RERE: variants seen among roughly 807,000 people sequenced by gnomAD.
RERE encodes arginine-glutamic acid dipeptide repeats protein.
In RERE, 40 loss-of-function variants were observed where a neutral mutation model predicts 146.1. That is an observed-to-expected ratio of 0.27 (90% CI 0.21 to 0.36). The LOEUF is 0.36. RERE is among the 10% of genes least tolerant of loss of function. RERE has a pLI of 1.00. For missense variants in RERE, 1,933 were observed against 2,138.7 expected (o/e 0.90, Z 1.90); for synonymous variants, 1,003 against 866.0 (o/e 1.16, Z -2.78).
intron 1 of RERE, among the ~76,000 whole-genome samples, chr1:8,659,181 G>A (rs1638398068): frequency 6.6e-6 from 1 of 152,216 alleles, no homozygotes; most frequent in African/African-American, 2.4e-5. Flanking sequence ...GGCTACTAGT[G>A]CTAGCAACTG....
intron 1 of RERE, among the ~76,000 whole-genome samples, chr1:8,764,146 C>T (rs2124535473): frequency 6.6e-6 from 1 of 152,258 alleles, no homozygotes; most frequent in East Asian, 1.9e-4. Flanking sequence ...TCATCACTGC[C>T]TCCTCCAGGT....
chr1:8,512,073 C>T (rs369351550), intron 7 of RERE, among the ~76,000 whole-genome samples: 5 of 119,526 alleles, frequency 4.2e-5, no homozygotes, highest in South Asian at 2.9e-4. Context: ...GTCGCCCAGG[C>T]CGGACTGCAG....
At chr1:8,386,087 T>A (rs1393494612) in intron 12 of RERE, among the ~76,000 whole-genome samples, 7 of 130,740 alleles carry the variant, frequency 5.4e-5, no homozygotes, top group Admixed American at 8.4e-5. Flanking sequence ...AAAGGAGCAG[T>A]AGTTTCTAAG....
At position 8,354,958 on chromosome 1, in the gene RERE, T is replaced by G. The variant is rs1395168700; in HGVS notation, c.*129A>C. 1.3e-6 allele frequency: 1 copy of G among 758,780 alleles called. No homozygotes were observed. Among genetic ancestry groups the G allele is most frequent in the Non-Finnish European group, 2.2e-6 (1 of 464,888 alleles). The allele number at this position is 758,780 out of a possible 1,614,324, so 47.0% of individuals were successfully genotyped here. A position where few individuals can be genotyped will look rare whatever the true frequency, so the allele number is the denominator to read the frequency against. ...ATGTGGATACATTTTTAGTTGTGGG[T>G]TTTTAAATATATAAAGAAATCTTTA... On this transcript the variant is annotated 3_prime_UTR_variant, in exon 23 of 23. Transcript: ENST00000400908.
intron 1 of RERE, among the ~76,000 whole-genome samples, chr1:8,744,607 C>G (rs959952217): frequency 2.0e-5 from 3 of 152,172 alleles, no homozygotes; most frequent in Admixed American, 6.5e-5. Flanking sequence ...AAAGACAGAA[C>G]TGATCTAAAT....
At chr1:8,365,537 C>A (rs1054907198) in intron 13 of RERE, among the ~76,000 whole-genome samples, 7 of 152,184 alleles carry the variant, frequency 4.6e-5, no homozygotes, top group Non-Finnish European at 1.5e-5. Context: ...CAGGCCAAGA[C>A]GTGTATTTTT....
rs149668857 is a variant in RERE, at chr1:8,656,906, G to C, written c.-144-465C>G. ...AGCCAGAAGGACCACTTGAAGCCAGGAGTTCAAGACCAACCCTGGCAACAA... is the reference window on the plus strand; with the variant it reads ...AGCCAGAAGGACCACTTGAAGCCAGCAGTTCAAGACCAACCCTGGCAACAA... On this transcript the variant is annotated intron_variant, in intron 1 of 22. Coordinates refer to ENST00000400908, the MANE Select transcript of RERE (RefSeq NM_001042681.2). Among the ~76,000 whole-genome samples, 20 of 152,122 alleles carry C rather than the reference G, an allele frequency of 1.3e-4. 1 individual carries two copies. Among genetic ancestry groups the C allele is most frequent in the South Asian group, 4.1e-4 (2 of 4,832 alleles).
intron 1 of RERE, among the ~76,000 whole-genome samples, chr1:8,807,737 T>C (rs1486091647): frequency 6.6e-6 from 1 of 152,180 alleles, no homozygotes; most frequent in African/African-American, 2.4e-5. Context: ...GTTCTTGTTC[T>C]TGGTCATTTC....
At chr1:8,665,769 CAT>C (rs1279796235) in intron 1 of RERE, among the ~76,000 whole-genome samples, 5 of 152,164 alleles carry the variant, frequency 3.3e-5, no homozygotes, top group Non-Finnish European at 7.4e-5. Flanking sequence ...GCACTTTACA[CAT>C]GTTAACTCAT....
chr1:8,382,804 G>A (rs1335778587), intron 12 of RERE, among the ~76,000 whole-genome samples: 1 of 152,052 alleles, frequency 6.6e-6, no homozygotes, highest in African/African-American at 2.4e-5. Flanking sequence ...GAACCTCCTC[G>A]AGACTCTCCT....
Position 8,558,215 on chromosome 1 carries a change from T to C in RERE, c.523-692A>G, listed in dbSNP as rs567187433. 3.3e-5 allele frequency among the ~76,000 whole-genome samples: 5 copies of C among 152,340 alleles called. No individual in the cohort carries two copies. In the East Asian group the frequency reaches 9.6e-4, roughly 29 times the overall value. On this transcript the variant is annotated intron_variant, in intron 4 of 22. Coordinates refer to ENST00000400908, the MANE Select transcript of RERE (RefSeq NM_001042681.2). ...AATTTTATGATTATCACATAAATGA[T>C]CCTGTAAATGTTTGTAGGACACTGC...
chr1:8,570,443 A>G (rs1048763909), intron 4 of RERE, among the ~76,000 whole-genome samples: 1 of 152,226 alleles, frequency 6.6e-6, no homozygotes, highest in Non-Finnish European at 1.5e-5. Context: ...ATTATAACAA[A>G]TAACTATAAT....
intron 2 of RERE, among the ~76,000 whole-genome samples, chr1:8,645,379 TG>T (rs777255368): frequency 2.6e-5 from 4 of 152,216 alleles, no homozygotes; most frequent in Non-Finnish European, 5.9e-5. Context: ...CTCTAATTTT[TG>T]ATCTGCCTAA....
intron 1 of RERE, among the ~76,000 whole-genome samples, chr1:8,693,160 GAGACACCTCGCA>G (rs1329225263): frequency 6.6e-6 from 1 of 152,152 alleles, no homozygotes; most frequent in Admixed American, 6.5e-5. Flanking sequence ...CAAAATGCTA[GAGACACCTCGCA>G]AGACAGCATG....
At chr1:8,368,221 G>A (rs895534395) in intron 12 of RERE, among the ~76,000 whole-genome samples, 2 of 152,200 alleles carry the variant, frequency 1.3e-5, no homozygotes, top group African/African-American at 4.8e-5. Flanking sequence ...TGTAATCCTA[G>A]CACTTTGGGA....
At chr1:8,513,481 G>A (rs1395656209) in intron 7 of RERE, among the ~76,000 whole-genome samples, 1 of 152,182 alleles carries the variant, frequency 6.6e-6, no homozygotes, top group Non-Finnish European at 1.5e-5. Flanking sequence ...CTAGAAAAGG[G>A]AAGAATATAG....
At chr1:8,758,488 T>C (rs542837567) in intron 1 of RERE, among the ~76,000 whole-genome samples, 1 of 150,938 alleles carries the variant, frequency 6.6e-6, no homozygotes, top group South Asian at 2.1e-4. Context: ...AATTCCTGGG[T>C]GCAAGCAATC....
chr1:8,633,667 C>T (rs1647062286), intron 2 of RERE, among the ~76,000 whole-genome samples: 1 of 152,134 alleles, frequency 6.6e-6, no homozygotes, highest in Admixed American at 6.5e-5. Flanking sequence ...TGGCTCAGGC[C>T]TGTAATCCCA....
intron 1 of RERE, among the ~76,000 whole-genome samples, chr1:8,789,301 A>AAAAAAAATATAT: frequency 8.1e-5 from 2 of 24,814 alleles, no homozygotes; most frequent in African/African-American, 4.6e-4. Flanking sequence ...AAAAAAAAAA[A>AAAAAAAATATAT]ATATATATAT....
Sources: gnomAD v4.1 joint callset for allele counts (sites outside exome capture counted in the v4.1 genomes callset) on GRCh38, gnomAD v4.1.1 for gene constraint, MANE v1.5 for transcripts, NCBI Gene and HGNC (gene_info 2026-07-23, HGNC 2026-07-21) for gene names.